The following UVRAG variants were observed in gnomAD, a reference collection of about 807,000 sequenced individuals.
The protein encoded by UVRAG is UV radiation resistance-associated gene protein.
UVRAG carries 19 observed loss-of-function variants against 78.0 expected under a neutral mutation model. The observed-to-expected ratio is 0.24, with a 90% CI of 0.17 to 0.36. The LOEUF is 0.36. Ranked by LOEUF, UVRAG falls within the 10% of genes least tolerant of loss-of-function variation. The probability of loss-of-function intolerance (pLI) is 1.00; values close to 1 mark genes in which losing one functional copy is unlikely to be tolerated. For synonymous variants in UVRAG, 323 were observed against 324.6 expected, an observed-to-expected ratio of 1.00 and a Z score of 0.05; for missense variants, 740 against 853.8, an observed-to-expected ratio of 0.87 and a Z score of 1.66.
At chr11:76,025,527 A>G (rs1293859371) in intron 12 of UVRAG, among the ~76,000 whole-genome samples, 1 of 152,196 alleles carries the variant, frequency 6.6e-6, no homozygotes, top group Non-Finnish European at 1.5e-5. Context: ...CAATACTTTT[A>G]TAAATCTCTA....
intron 14 of UVRAG, among the ~76,000 whole-genome samples, chr11:76,131,967 TG>T (rs1426298204): frequency 6.6e-6 from 1 of 152,248 alleles, no homozygotes; most frequent in African/African-American, 2.4e-5. Context: ...TTATGAAGGT[TG>T]TTTTTTTGAA....
intron 12 of UVRAG, among the ~76,000 whole-genome samples, chr11:76,035,065 G>T (rs1950507925): frequency 6.6e-6 from 1 of 152,206 alleles, no homozygotes. Context: ...TAAATGTGTA[G>T]ATGACGAATT....
chr11:76,101,665 C>A (rs1951882058), intron 13 of UVRAG, among the ~76,000 whole-genome samples: 5 of 152,132 alleles, frequency 3.3e-5, no homozygotes, highest in Admixed American at 3.3e-4. Context: ...GTTCCTATGT[C>A]CAGAATGGTA....
chr11:76,046,270 G>A (rs937055211), intron 12 of UVRAG, among the ~76,000 whole-genome samples: 5 of 152,164 alleles, frequency 3.3e-5, no homozygotes, highest in African/African-American at 4.8e-5. Context: ...AACCAAGTAA[G>A]AAGAAAACAT....
chr11:75,960,896 G>T (rs759149644), intron 6 of UVRAG, among the ~76,000 whole-genome samples: 4 of 152,090 alleles, frequency 2.6e-5, no homozygotes, highest in African/African-American at 4.8e-5. Flanking sequence ...AATGTAGTTG[G>T]CTAGTTTGAA....
intron 1 of UVRAG, among the ~76,000 whole-genome samples, chr11:75,851,646 T>C (rs1206461831): frequency 2.0e-5 from 3 of 152,206 alleles, no homozygotes; most frequent in Non-Finnish European, 4.4e-5. Flanking sequence ...TTCAAAAATA[T>C]TTCATGTCTG....
intron 8 of UVRAG, among the ~76,000 whole-genome samples, chr11:75,989,800 C>T (rs946593418): frequency 7.2e-5 from 11 of 152,198 alleles, no homozygotes; most frequent in African/African-American, 2.7e-4. Context: ...TTGGTAAGCC[C>T]TTTCAGGGCA....
In UVRAG at chr11:76,141,595, A is replaced by T. The variant is rs1430806844; in HGVS notation, c.*182A>T. ...TCATTGTTATCAGTGGGCCAAAGTT[A>T]GATTTTGCTTTCAAGATTTGCTTTT... is the stretch of plus-strand genomic sequence containing the variant. On this transcript the variant is annotated 3_prime_UTR_variant, in exon 15 of 15. Transcript: ENST00000356136. 1.4e-6 allele frequency: 1 copy of T among 690,154 alleles called. No individual in the cohort carries two copies. The highest frequency in any genetic ancestry group is 2.3e-6 in the Non-Finnish European group (1 of 430,814). 42.8% of individuals were successfully genotyped at this position (690,154 alleles called of 1,614,324 possible).
intron 1 of UVRAG, among the ~76,000 whole-genome samples, chr11:75,835,938 AT>A (rs1379105749): frequency 5.3e-5 from 8 of 152,010 alleles, no homozygotes; most frequent in South Asian, 2.1e-4. Flanking sequence ...CTTAAAAAAA[AT>A]ATATACAAAA....
At chr11:75,900,192 G>A (rs1040127489) in intron 5 of UVRAG, among the ~76,000 whole-genome samples, 1 of 152,168 alleles carries the variant, frequency 6.6e-6, no homozygotes, top group African/African-American at 2.4e-5. Context: ...AACAGAAACA[G>A]AGTTCGACTT....
chr11:76,109,339 C>T (rs887541737), intron 13 of UVRAG, among the ~76,000 whole-genome samples: 16 of 151,882 alleles, frequency 1.1e-4, no homozygotes, highest in African/African-American at 3.6e-4. Context: ...TGCTTAAAAC[C>T]CTGGAGTAGG....
chr11:75,819,949 CAA>C (rs924802362), intron 1 of UVRAG, among the ~76,000 whole-genome samples: 4 of 152,108 alleles, frequency 2.6e-5, no homozygotes, highest in Admixed American at 6.6e-5. Context: ...ACCTGGGCGA[CAA>C]GAGCGAAACT....
At chr11:76,081,167 T>C (rs1044648228) in intron 13 of UVRAG, among the ~76,000 whole-genome samples, 1 of 152,174 alleles carries the variant, frequency 6.6e-6, no homozygotes, top group Non-Finnish European at 1.5e-5. Context: ...TTTGGTTTTC[T>C]AACTCATTGT....
intron 1 of UVRAG, among the ~76,000 whole-genome samples, chr11:75,826,242 G>GCC: frequency 1.3e-5 from 2 of 151,958 alleles, no homozygotes; most frequent in Non-Finnish European, 2.9e-5. Flanking sequence ...TGCAACCTCT[G>GCC]TCTCCTGGGT....
At chr11:76,094,332 C>G (rs7129228) in intron 13 of UVRAG, among the ~76,000 whole-genome samples, 21,019 of 151,974 alleles carry the variant, frequency 0.14, 3,751 homozygotes, top group African/African-American at 0.42. Flanking sequence ...TTTTTGTTGA[C>G]TCTCTGCCAG....
chr11:75,941,787 A>G lies in UVRAG; in HGVS notation c.594-19657A>G, dbSNP rs551855134. On this transcript the variant is annotated intron_variant, in intron 6 of 14. Coordinates refer to ENST00000356136, the MANE Select transcript of UVRAG (RefSeq NM_003369.4). ...CCTCTTACAGTGAAAGTCATAGTCC[A>G]GGAGAACTTTAGATGTGGAACTTCA... 2.0e-5 allele frequency among the ~76,000 whole-genome samples: 3 copies of G among 152,238 alleles called. No homozygotes were observed. The South Asian group carries it at 6.2e-4, about 32-fold the overall frequency.
rs368114316 is a variant in UVRAG at position 75,876,831 on chromosome 11, G to GT, written c.271-3038dup. Among the ~76,000 whole-genome samples, 957 of 148,914 alleles carry GT rather than the reference G, an allele frequency of 6.4e-3. 7 individuals are homozygous for GT. The highest frequency in any genetic ancestry group is 0.021 in the African/African-American group (871 of 40,672). On this transcript the variant is annotated intron_variant, in intron 3 of 14. Coordinates refer to ENST00000356136, the MANE Select transcript of UVRAG (RefSeq NM_003369.4). ...TACATTCAGCAGTGAAAGCCCTTAT[G>GT]TTTTTTTTTTATTTTTTATTTTTTA... is the stretch of plus-strand genomic sequence containing the variant.
chr11:76,121,438 G>A (rs182869110), intron 14 of UVRAG, among the ~76,000 whole-genome samples: 3 of 152,328 alleles, frequency 2.0e-5, no homozygotes, highest in Admixed American at 2.0e-4. Context: ...AAACATCCTA[G>A]TTTTCTTTTA....
intron 13 of UVRAG, among the ~76,000 whole-genome samples, chr11:76,079,580 G>C (rs1565151801): frequency 6.6e-6 from 1 of 152,088 alleles, no homozygotes; most frequent in Non-Finnish European, 1.5e-5. Context: ...GATTTATGGA[G>C]TACCATACTA....
Sources: gnomAD v4.1 joint callset for allele counts (sites outside exome capture counted in the v4.1 genomes callset) on GRCh38, gnomAD v4.1.1 for gene constraint, MANE v1.5 for transcripts, NCBI Gene and HGNC (gene_info 2026-07-23, HGNC 2026-07-21) for gene names.